The following SHQ1 variants were observed in gnomAD, a reference collection of about 807,000 sequenced individuals.
The protein encoded by SHQ1 is protein SHQ1 homolog.
Under a neutral mutation model 53.8 loss-of-function variants are expected in SHQ1, and 49 were observed. The observed-to-expected ratio is 0.91, with a 90% CI of 0.72 to 1.16. The LOEUF is 1.16. Ranked by LOEUF, SHQ1 falls within the 50% of genes most tolerant of loss-of-function variation. SHQ1 has a pLI of 0.00. For missense variants in SHQ1, 738 were observed against 683.1 expected (o/e 1.08, Z -0.90); for synonymous variants, 243 against 251.0 (o/e 0.97, Z 0.30).
intron 10 of SHQ1, among the ~76,000 whole-genome samples, chr3:72,774,384 CAACATTACTTTTAAGAATAA>C: frequency 6.7e-6 from 1 of 150,184 alleles, no homozygotes. Flanking sequence ...ATTCGAAGAT[CAACATTACTTTTAAGAATAA>C]AACCAAAAGT....
Position 72,817,250 on chromosome 3 carries a change from C to G in SHQ1, c.862G>C (p.Val288Leu), listed in dbSNP as rs1344812515. 6.2e-7 allele frequency: 1 copy of G among 1,613,182 alleles called. No homozygotes were observed. Among genetic ancestry groups the G allele is most frequent in the Non-Finnish European group, 8.5e-7 (1 of 1,179,588 alleles). ...CTTACATTCTTCTCTCCTTCAGTGACACGGGTTTCATAGCAATATGCCAGA... is the reference window on the plus strand; with the variant it reads ...CTTACATTCTTCTCTCCTTCAGTGAGACGGGTTTCATAGCAATATGCCAGA... The part of the protein sequence containing the change: ...ILLAYCYETR[V>L]TEGEKNVESA... Residue 288 changes from valine to leucine, a missense_variant, in exon 7 of 11, where the codon GTC (valine) becomes CTC (leucine). Physicochemically the swap from Val to Leu is conservative, Grantham distance 32 (BLOSUM62 1). Coordinates refer to ENST00000325599, the MANE Select transcript of SHQ1 (RefSeq NM_018130.3).
chr3:72,773,447 G>T, intron 10 of SHQ1: 1 of 369,050 alleles, frequency 2.7e-6, no homozygotes. Flanking sequence ...AAATCGGAGT[G>T]ATCAGAGTGT....
chr3:72,734,952 G>T, the SHQ1 span, among the ~76,000 whole-genome samples: 1 of 151,602 alleles, frequency 6.6e-6, no homozygotes, highest in Non-Finnish European at 1.5e-5. Context: ...GCCCAGTATG[G>T]CTGTGGAATG....
At chr3:72,747,306 C>G (rs550268993), downstream of SHQ1, among the ~76,000 whole-genome samples, 3 of 152,302 alleles carry the variant, frequency 2.0e-5, no homozygotes, top group African/African-American at 7.2e-5. Context: ...CATATTTAAA[C>G]TATTAATGGA....
intron 5 of SHQ1, 136 bp downstream of exon 5, chr3:72,832,233 T>C (rs1707844010): frequency 1.6e-6 from 1 of 639,564 alleles, no homozygotes; most frequent in Non-Finnish European, 2.8e-6. Context: ...TTAATTCAAA[T>C]GTCCATTAAG....
chr3:72,774,138 A>T (rs1199688448), intron 10 of SHQ1, among the ~76,000 whole-genome samples: 1 of 152,262 alleles, frequency 6.6e-6, no homozygotes, highest in East Asian at 1.9e-4. Context: ...TACCAAGAAG[A>T]TATAACAATT....
chr3:72,840,010 T>C (rs1708119132), intron 4 of SHQ1, among the ~76,000 whole-genome samples: 1 of 152,058 alleles, frequency 6.6e-6, no homozygotes, highest in Non-Finnish European at 1.5e-5. Flanking sequence ...TCCACCCGCC[T>C]CAGCCTCCCA....
chr3:72,726,656 T>A, the SHQ1 span, among the ~76,000 whole-genome samples: 1 of 152,118 alleles, frequency 6.6e-6, no homozygotes, highest in East Asian at 1.9e-4. Context: ...CGGGCCACAT[T>A]TGGGCTTTTG....
At chr3:72,785,079 C>A (rs1706185021) in intron 10 of SHQ1, among the ~76,000 whole-genome samples, 1 of 152,244 alleles carries the variant, frequency 6.6e-6, no homozygotes, top group African/African-American at 2.4e-5. Flanking sequence ...AATCTATCCC[C>A]ACTGAAAGTA....
At chr3:72,794,353 G>T (rs1412007028) in intron 9 of SHQ1, 1 of 152,098 alleles carries the variant, frequency 6.6e-6, no homozygotes, top group Non-Finnish European at 1.5e-5. Context: ...TTTATTTAGT[G>T]GTTAATCCCC....
intron 10 of SHQ1, among the ~76,000 whole-genome samples, chr3:72,782,591 T>C (rs1029077043): frequency 3.3e-5 from 5 of 152,228 alleles, no homozygotes; most frequent in Non-Finnish European, 7.3e-5. Flanking sequence ...GGAATGTAAT[T>C]AATCCTCTAT....
chr3:72,833,687 G>A (rs1707909241), intron 4 of SHQ1, among the ~76,000 whole-genome samples: 1 of 152,160 alleles, frequency 6.6e-6, no homozygotes, highest in Non-Finnish European at 1.5e-5. Context: ...CATACATACT[G>A]ATATGGAACA....
chr3:72,728,584 G>A, the SHQ1 span, among the ~76,000 whole-genome samples: 1 of 152,198 alleles, frequency 6.6e-6, no homozygotes, highest in Non-Finnish European at 1.5e-5. Flanking sequence ...AGAAGAGCAT[G>A]GAAGCCAACA....
downstream of SHQ1, among the ~76,000 whole-genome samples, chr3:72,745,808 T>C (rs1705248631): frequency 6.6e-6 from 1 of 151,946 alleles, no homozygotes; most frequent in Admixed American, 6.6e-5. Flanking sequence ...TCTACGGCCA[T>C]ACCACCCTGA....
At chr3:72,741,078 G>A in the SHQ1 span, among the ~76,000 whole-genome samples, 1 of 152,134 alleles carries the variant, frequency 6.6e-6, no homozygotes, top group Admixed American at 6.5e-5. Flanking sequence ...TATGTGGAGG[G>A]GACTGAGTAT....
At chr3:72,765,573 T>TTTTTTA (rs1705710395) in intron 10 of SHQ1, among the ~76,000 whole-genome samples, 1 of 119,078 alleles carries the variant, frequency 8.4e-6, no homozygotes, top group African/African-American at 3.6e-5. Flanking sequence ...TTTTTTTTTT[T>TTTTTTA]GAGACAGTCT....
intron 10 of SHQ1, among the ~76,000 whole-genome samples, chr3:72,786,332 A>G (rs1380154097): frequency 6.6e-6 from 1 of 152,196 alleles, no homozygotes; most frequent in East Asian, 1.9e-4. Context: ...TCACACAGGC[A>G]GTTCATCGCT....
At chr3:72,824,249 T>C (rs1411920981) in intron 6 of SHQ1, among the ~76,000 whole-genome samples, 175 bp downstream of exon 6, 3 of 152,198 alleles carry the variant, frequency 2.0e-5, no homozygotes, top group African/African-American at 7.2e-5. Flanking sequence ...CCTAATTATT[T>C]AGCGGCATTT....
chr3:72,840,826 A>C (rs1053762259), intron 4 of SHQ1, among the ~76,000 whole-genome samples: 1 of 152,334 alleles, frequency 6.6e-6, no homozygotes, highest in East Asian at 1.9e-4. Flanking sequence ...GAGAAAAAAG[A>C]AAGCCACGGG....
Sources: allele counts gnomAD v4.1 joint callset (sites outside exome capture counted in the v4.1 genomes callset), GRCh38; gene constraint gnomAD v4.1.1; transcripts MANE v1.5; gene names NCBI Gene and HGNC (gene_info 2026-07-23, HGNC 2026-07-21).